PLXNC1: variants seen among roughly 807,000 people sequenced by gnomAD.
PLXNC1 encodes the protein plexin C1.
Under a neutral mutation model 178.2 loss-of-function variants are expected in PLXNC1, and 75 were observed. That is an observed-to-expected ratio of 0.42 (90% CI 0.35 to 0.51). The LOEUF (loss-of-function observed/expected upper bound fraction) is 0.51. Among genes scored for constraint, PLXNC1 ranks in the 20% least tolerant of loss-of-function variants. The pLI is 0.02. For missense variants in PLXNC1, 1,503 were observed against 1,984.4 expected, an observed-to-expected ratio of 0.76 and a Z score of 4.61; for synonymous variants, 790 against 779.9, an observed-to-expected ratio of 1.01 and a Z score of -0.22.
At chr12:94,266,352 A>G (rs1965242399) in intron 21 of PLXNC1, among the ~76,000 whole-genome samples, 1 of 152,220 alleles carries the variant, frequency 6.6e-6, no homozygotes, top group Non-Finnish European at 1.5e-5. Flanking sequence ...CTGAGCTGAA[A>G]GTCAACACTT....
intron 2 of PLXNC1, among the ~76,000 whole-genome samples, chr12:94,175,420 C>T (rs1045184806): frequency 2.0e-5 from 3 of 152,092 alleles, no homozygotes; most frequent in East Asian, 1.9e-4. Context: ...TAATTTTTCT[C>T]CCCCCTCATT....
chr12:94,203,746 G>A (rs943081482), intron 4 of PLXNC1, among the ~76,000 whole-genome samples: 1 of 152,172 alleles, frequency 6.6e-6, no homozygotes, highest in Non-Finnish European at 1.5e-5. Flanking sequence ...ATTCCCAGAA[G>A]TCCCCAGAAA....
intron 2 of PLXNC1, among the ~76,000 whole-genome samples, chr12:94,173,359 G>A (rs1234828997): frequency 1.3e-5 from 2 of 152,186 alleles, no homozygotes; most frequent in African/African-American, 4.8e-5. Context: ...AGGTGGTAAA[G>A]TAAGTAATAA....
rs749093325 is a variant in PLXNC1, at chr12:94,149,941, A to C, written c.970A>C (p.Thr324Pro). The C allele has an allele frequency of 1.9e-6, 3 of 1,586,640 alleles. No individual in the cohort carries two copies. The highest frequency in any genetic ancestry group is 2.7e-5 in the African/African-American group (2 of 74,262). Residue 324 changes from threonine (T) to proline (P), a missense_variant, in exon 1 of 31, where the codon ACC becomes CCC. Thr to Pro is a conservative substitution (Grantham distance 38). Around this residue, in one of 4 missense-constraint regions of PLXNC1, gnomAD observed 615 missense variants for 698.6 expected, o/e 0.88. Transcript: ENST00000258526. ...AGEGQERRSP[T>P]TTALCLFRMS... Reference sequence around the variant, plus strand: ...AGAGGGCCAGGAGCGGCGCTCCCCCACCACCACGGCGCTCTGCCTCTTCAG... The same window carrying C: ...AGAGGGCCAGGAGCGGCGCTCCCCCCCCACCACGGCGCTCTGCCTCTTCAG...
At chr12:94,283,770 G>A (rs569502598) in intron 23 of PLXNC1, among the ~76,000 whole-genome samples, 1 of 152,274 alleles carries the variant, frequency 6.6e-6, no homozygotes, top group East Asian at 1.9e-4. Flanking sequence ...TAATCTGGGT[G>A]GTACCAGCTG....
At chr12:94,263,014 C>T (rs1208456190) in intron 20 of PLXNC1, among the ~76,000 whole-genome samples, 1 of 152,148 alleles carries the variant, frequency 6.6e-6, no homozygotes, top group South Asian at 2.1e-4. Context: ...TAGCCACCGC[C>T]CTGTGCCCTG....
At chr12:94,150,670 G>A (rs1960926912) in intron 1 of PLXNC1, among the ~76,000 whole-genome samples, 1 of 152,252 alleles carries the variant, frequency 6.6e-6, no homozygotes, top group Admixed American at 6.5e-5. Flanking sequence ...GCGAGGGGGC[G>A]GTGCCGTGGC....
At chr12:94,252,202 GAC>G (rs1000030506) in intron 15 of PLXNC1, among the ~76,000 whole-genome samples, 5 of 151,922 alleles carry the variant, frequency 3.3e-5, no homozygotes, top group Non-Finnish European at 7.4e-5. Context: ...ATTTCATCTT[GAC>G]CACCCCCCAC....
Position 94,209,602 on chromosome 12 carries a change from A to G in PLXNC1, c.1452A>G (p.Gln484=), listed in dbSNP as rs767759105. Residue 484 remains glutamine, a synonymous_variant, in exon 5 of 31, where the codon CAA becomes CAG. Transcript: ENST00000258526. ...WCHSLQRCTF[Q]GDCVHSENLE... ...CTCGTTTTTTTAGGTGCACTTTTCAAGGAGATTGTGTACATTCAGAGAACT... is the reference window on the plus strand; with the variant it reads ...CTCGTTTTTTTAGGTGCACTTTTCAGGGAGATTGTGTACATTCAGAGAACT... 1 of 1,610,172 alleles carries G rather than the reference A, an allele frequency of 6.2e-7. No individual in the cohort carries two copies. Among genetic ancestry groups the G allele is most frequent in the Non-Finnish European group, 8.5e-7 (1 of 1,176,622 alleles).
chr12:94,216,128 C>G (rs1157295577), intron 5 of PLXNC1, among the ~76,000 whole-genome samples: 1 of 152,038 alleles, frequency 6.6e-6, no homozygotes, highest in East Asian at 1.9e-4. Flanking sequence ...ATTAGCCAGG[C>G]GTGGTGGCAG....
Position 94,177,230 on chromosome 12 carries a change from C to CATAT in PLXNC1, c.1204-4197_1204-4194dup, listed in dbSNP as rs568262912. On this transcript the variant is annotated intron_variant, in intron 2 of 30. Coordinates refer to ENST00000258526, the MANE Select transcript of PLXNC1 (RefSeq NM_005761.3). The stretch of plus-strand genomic sequence containing the variant: ...ATATATATGTGTGTGTATATATATA[C>CATAT]ATATATATATATATATATATATGTA... 8.0e-4 allele frequency among the ~76,000 whole-genome samples: 78 copies of CATAT among 97,508 alleles called. 1 individual carries two copies. Among genetic ancestry groups the CATAT allele is most frequent in the South Asian group, 3.4e-3 (12 of 3,536 alleles). The allele number at this position is 97,508 out of a possible 152,430, so 64.0% of individuals were successfully genotyped here. A position where few individuals can be genotyped will look rare whatever the true frequency, so the allele number is the denominator to read the frequency against.
intron 2 of PLXNC1, among the ~76,000 whole-genome samples, chr12:94,178,350 G>A (rs1315596112): frequency 6.6e-6 from 1 of 152,152 alleles, no homozygotes; most frequent in Non-Finnish European, 1.5e-5. Context: ...ATTATGGGTG[G>A]TGCTGCCCAA....
chr12:94,238,595 A>C (rs575395849), intron 10 of PLXNC1, among the ~76,000 whole-genome samples: 1 of 152,308 alleles, frequency 6.6e-6, no homozygotes, highest in African/African-American at 2.4e-5. Context: ...GAAGTAAAAG[A>C]TGTTACAGTC....
intron 4 of PLXNC1, among the ~76,000 whole-genome samples, chr12:94,199,642 A>G (rs1330949415): frequency 6.6e-6 from 1 of 152,058 alleles, no homozygotes; most frequent in African/African-American, 2.4e-5. Flanking sequence ...CAGCTGTGAG[A>G]GGAGCTATGA....
At chr12:94,241,977 T>TAAA (rs779990678) in intron 11 of PLXNC1, among the ~76,000 whole-genome samples, 6,453 of 141,746 alleles carry the variant, frequency 0.046, 189 homozygotes, top group African/African-American at 0.069. Context: ...AAAGCTTTGT[T>TAAA]AAAAAAAAAA....
intron 4 of PLXNC1, 55 bp downstream of exon 4, chr12:94,186,528 C>A: frequency 1.8e-6 from 2 of 1,118,126 alleles, no homozygotes; most frequent in Non-Finnish European, 2.7e-6. Flanking sequence ...TGTCATGCGG[C>A]AGAACACTTG....
intron 5 of PLXNC1, among the ~76,000 whole-genome samples, chr12:94,215,952 G>T (rs1458407690): frequency 6.6e-6 from 1 of 152,104 alleles, no homozygotes; most frequent in Non-Finnish European, 1.5e-5. Flanking sequence ...TCATATACAT[G>T]ATTTCCTTTT....
intron 20 of PLXNC1, chr12:94,262,569 G>C (rs778058430): frequency 1.6e-5 from 16 of 985,342 alleles, no homozygotes; most frequent in Non-Finnish European, 1.9e-5. Flanking sequence ...GTGAGGGGGC[G>C]GCTCGGCTCG....
chr12:94,231,876 C>T (rs1451685977), intron 9 of PLXNC1, among the ~76,000 whole-genome samples: 1 of 152,174 alleles, frequency 6.6e-6, no homozygotes, highest in Non-Finnish European at 1.5e-5. Context: ...GGTGCCTTCA[C>T]TCACTGAGAC....
Sources: gnomAD v4.1 joint callset for allele counts (sites outside exome capture counted in the v4.1 genomes callset) on GRCh38, gnomAD v4.1.1 for gene constraint, gnomAD v4.1.1 regional missense constraint, MANE v1.5 for transcripts, NCBI Gene and HGNC (gene_info 2026-07-23, HGNC 2026-07-21) for gene names.